POLD1: variants seen among roughly 807,000 people sequenced by gnomAD.
POLD1 encodes the protein DNA polymerase delta catalytic subunit.
A neutral mutation model predicts 129.7 loss-of-function variants in POLD1; 79 were observed. That is an observed-to-expected ratio of 0.61 (90% confidence interval 0.51 to 0.73). The LOEUF is 0.73. POLD1 is among the 30% of genes least tolerant of loss of function. The probability of loss-of-function intolerance (pLI) is 0.00; values close to 1 mark genes in which losing one functional copy is unlikely to be tolerated. For missense variants in POLD1, 1,338 were observed against 1,595.8 expected (o/e 0.84, Z 2.75); for synonymous variants, 714 against 683.3 (o/e 1.04, Z -0.70).
At position 50,416,196 on chromosome 19, in the gene POLD1, C is replaced by T. The variant is rs1295920580; in HGVS notation, c.2821-200C>T. ...TTGCTTCCCCTTGTGAACTCTGACC[C>T]TTCCGTGGTGACCTGAGAGCCCTAC... On this transcript the variant is annotated intron_variant, in intron 22 of 26. Transcript: ENST00000440232. 6 of 605,468 alleles carry T rather than the reference C, an allele frequency of 9.9e-6. No homozygotes were observed. The East Asian group carries it at 1.4e-4, about 14-fold the overall frequency. 37.5% of individuals were successfully genotyped at this position (605,468 alleles called of 1,614,324 possible).
chr19:50,415,681 C>CCCCCCACA, intron 21 of POLD1, 43 bp from the exon 22 acceptor site: 1 of 1,462,402 alleles, frequency 6.8e-7, no homozygotes, highest in Non-Finnish European at 9.3e-7. Context: ...CCACCCCCGC[C>CCCCCCACA]ACCCACCTGC....
At chr19:50,384,619 CA>C (rs1467896739) in intron 1 of POLD1, among the ~76,000 whole-genome samples, 2 of 149,428 alleles carry the variant, frequency 1.3e-5, no homozygotes, top group Non-Finnish European at 3.0e-5. Context: ...ATGCGCCGGG[CA>C]CCGTGGGGCG....
At position 50,402,377 on chromosome 19, in the gene POLD1, C is replaced by G. The variant is rs771346692; in HGVS notation, c.758+4C>G. The G allele has an allele frequency of 2.5e-6, 4 of 1,612,686 alleles. No individual in the cohort carries two copies. The highest frequency in any genetic ancestry group is 3.4e-6 in the Non-Finnish European group (4 of 1,179,010). On this transcript the variant is annotated splice_donor_region_variant and intron_variant, in intron 6 of 26. Coordinates refer to ENST00000440232, the MANE Select transcript of POLD1 (RefSeq NM_002691.4). ...CCAACGTCGACTTTGAGATCCGGTA[C>G]GGCCTCTGCCTCACTTCTCCGGCCT... is the stretch of plus-strand genomic sequence containing the variant.
intron 3 of POLD1, among the ~76,000 whole-genome samples, chr19:50,400,798 G>GC (rs904068724): frequency 4.0e-5 from 6 of 150,482 alleles, no homozygotes; most frequent in Admixed American, 1.3e-4. Flanking sequence ...CCAGGTTCAC[G>GC]CCATTCTCCT....
At chr19:50,405,241 G>C (rs1376466390) in intron 10 of POLD1, among the ~76,000 whole-genome samples, 2 of 152,158 alleles carry the variant, frequency 1.3e-5, no homozygotes, top group Non-Finnish European at 2.9e-5. Flanking sequence ...TGACACCGTC[G>C]TGAGGTGAGG....
chr19:50,400,159 T>TC (rs2038533234), intron 3 of POLD1, among the ~76,000 whole-genome samples: 1 of 139,786 alleles, frequency 7.2e-6, no homozygotes, highest in Non-Finnish European at 1.6e-5. Context: ...TTTTTTTTTT[T>TC]TTGAGACAAG....
At chr19:50,393,395 C>T (rs566728387) in intron 1 of POLD1, among the ~76,000 whole-genome samples, 1 of 152,234 alleles carries the variant, frequency 6.6e-6, no homozygotes, top group South Asian at 2.1e-4. Flanking sequence ...AATGGCTGGG[C>T]GTGGTGGTTC....
At chr19:50,405,048 A>T (rs2038824216) in intron 10 of POLD1, among the ~76,000 whole-genome samples, 1 of 151,810 alleles carries the variant, frequency 6.6e-6, no homozygotes. Context: ...TACAGGCGTG[A>T]GCCACCGCGC....
Position 50,409,360 on chromosome 19 carries a change from C to A in POLD1, c.2006+125C>A. ...GCCCTCAGCTGTGCGTGAATTAGCA[C>A]AAGGCATCCCCTCCTGGCAGCTTCC... On this transcript the variant is annotated intron_variant, in intron 16 of 26. Transcript: ENST00000440232. This position sits in a 1 kb window ranked among gnomAD's most constrained non-coding sequence, Gnocchi z 5.8. The A allele has an allele frequency of 1.6e-6, 2 of 1,245,820 alleles. No individual in the cohort carries two copies. Among genetic ancestry groups the A allele is most frequent in the South Asian group, 1.3e-5 (1 of 75,894 alleles). 77.2% of individuals were successfully genotyped at this position (1,245,820 alleles called of 1,614,324 possible). A position where few individuals can be genotyped will look rare whatever the true frequency, so the allele number is the denominator to read the frequency against.
intron 14 of POLD1, 140 bp from the exon 15 acceptor site, chr19:50,408,645 T>A (rs2038983491): frequency 2.3e-6 from 3 of 1,293,762 alleles, no homozygotes; most frequent in Non-Finnish European, 3.2e-6. Context: ...AGCCTCCCAA[T>A]GTGCTGGGAT....
rs2038895286 is a variant in POLD1 at position 50,406,602 on chromosome 19, C to A, written c.1494+85C>A. The A allele has an allele frequency of 2.1e-6, 2 of 953,500 alleles. No homozygotes were observed. Among genetic ancestry groups the A allele is most frequent in the South Asian group, 1.4e-5 (1 of 70,094 alleles). The allele number at this position is 953,500 out of a possible 1,614,324, so 59.1% of individuals were successfully genotyped here. The stretch of plus-strand genomic sequence containing the variant: ...GGCCTCTGACCTCAACTTCACGCCC[C>A]CACGTCTGACCTCACTCTTTGACCT... On this transcript the variant is annotated intron_variant, in intron 12 of 26. Coordinates refer to ENST00000440232, the MANE Select transcript of POLD1 (RefSeq NM_002691.4). This position sits in a 1 kb window ranked among gnomAD's most constrained non-coding sequence, Gnocchi z 5.5.
intron 3 of POLD1, 126 bp from the exon 4 acceptor site, chr19:50,401,652 A>C: frequency 3.9e-6 from 4 of 1,015,100 alleles, no homozygotes; most frequent in Non-Finnish European, 6.0e-6. Context: ...GCTGAAATGG[A>C]CACAGGGAAC....
In POLD1 at chr19:50,414,990, GGT is replaced by G. The variant is rs761975126; in HGVS notation, c.2564+6_2564+7del. On this transcript the variant is annotated splice_donor_variant, in intron 20 of 26. Transcript: ENST00000440232. LOFTEE classifies it high-confidence loss of function. ...TCACTGCGCCGCCTGCTCATCGACCGGTGTGTGGGGCCTCCTCCCTCAGACTC... is the reference window on the plus strand; with the variant it reads ...TCACTGCGCCGCCTGCTCATCGACCGGTGTGGGGCCTCCTCCCTCAGACTC... 1 of 1,566,228 alleles carries G rather than the reference GGT, an allele frequency of 6.4e-7. No homozygotes were observed. Among genetic ancestry groups the G allele is most frequent in the Non-Finnish European group, 8.7e-7 (1 of 1,155,148 alleles).
At position 50,402,447 on chromosome 19, in the gene POLD1, C is replaced by T; in HGVS notation, c.759-7C>T. 1 of 1,612,782 alleles carries T rather than the reference C, an allele frequency of 6.2e-7. No homozygotes were observed. The highest frequency in any genetic ancestry group is 8.5e-7 in the Non-Finnish European group (1 of 1,179,454). The stretch of plus-strand genomic sequence containing the variant: ...GCCCCTGTCCACTGACCCCCAGCCC[C>T]CTCCAGGTTCATGGTGGACACGGAC... On this transcript the variant is annotated splice_polypyrimidine_tract_variant and splice_region_variant and intron_variant, in intron 6 of 26. Coordinates refer to ENST00000440232, the MANE Select transcript of POLD1 (RefSeq NM_002691.4).
rs761230747 is a variant in POLD1, at chr19:50,401,776, A to G, written c.317-2A>G. On this transcript the variant is annotated splice_acceptor_variant, in intron 3 of 26. Transcript: ENST00000440232. LOFTEE classifies it high-confidence loss of function. Reference sequence around the variant, plus strand: ...CCGCTGTCTTACCCTGTGACCCCACAGGCCCAGCGCAGCCTGTGCCTGGGG... The same window carrying G: ...CCGCTGTCTTACCCTGTGACCCCACGGGCCCAGCGCAGCCTGTGCCTGGGG... 4.3e-6 allele frequency: 7 copies of G among 1,611,704 alleles called. No homozygotes were observed. The South Asian group carries it at 7.7e-5, about 18-fold the overall frequency.
rs752090630 is a variant in POLD1, at chr19:50,415,520, A to G, written c.2647A>G (p.Ile883Val). The change falls in exon 21 of 27, where the codon ATC becomes GTC. Residue 883 changes from isoleucine to valine, a missense_variant. Coordinates refer to ENST00000440232, the MANE Select transcript of POLD1 (RefSeq NM_002691.4). Reference sequence around the variant, plus strand: ...CCGCATCGATATCTCCCAGCTGGTCATCACCAAGGAGCTGACCCGCGCGGC... The same window carrying G: ...CCGCATCGATATCTCCCAGCTGGTCGTCACCAAGGAGCTGACCCGCGCGGC... ...CNRIDISQLV[I>V]TKELTRAASD... 2 of 1,613,448 alleles carry G rather than the reference A, an allele frequency of 1.2e-6. No individual in the cohort carries two copies. Among genetic ancestry groups the G allele is most frequent in the Admixed American group, 1.7e-5 (1 of 60,016 alleles).
At position 50,402,003 on chromosome 19, in the gene POLD1, CG is replaced by C. The variant is rs764964017; in HGVS notation, c.471del (p.Glu159SerfsTer10). On this transcript the variant is annotated frameshift_variant, in exon 5 of 27. Coordinates refer to ENST00000440232, the MANE Select transcript of POLD1 (RefSeq NM_002691.4). LOFTEE classifies it high-confidence loss of function. Reference sequence around the variant, plus strand: ...TGATCATCCCTCCCACACCAGGTTTCGGGCCCGAGCACATGGGTGACCTGCA... The same window carrying C: ...TGATCATCCCTCCCACACCAGGTTTCGGCCCGAGCACATGGGTGACCTGCA... ...YFYTPAPPGF[G>X]PEHMGDLQRE... The C allele has an allele frequency of 3.7e-6, 6 of 1,614,076 alleles. No individual in the cohort carries two copies. The highest frequency in any genetic ancestry group is 2.5e-6 in the Non-Finnish European group (3 of 1,179,988).
At chr19:50,394,231 C>T (rs3219334) in intron 1 of POLD1, among the ~76,000 whole-genome samples, 2,388 of 152,316 alleles carry the variant, frequency 0.016, 30 homozygotes, top group Non-Finnish European at 0.023. Flanking sequence ...TGATCACTCT[C>T]ATTCCTGGAG....
At chr19:50,403,625 T>C (rs1483049137) in intron 10 of POLD1, 28 bp downstream of exon 10, 1 of 1,451,936 alleles carries the variant, frequency 6.9e-7, no homozygotes, top group East Asian at 2.3e-5. Context: ...GGGAGGCTTC[T>C]CTCAGATGCC....
Sources: allele counts gnomAD v4.1 joint callset (sites outside exome capture counted in the v4.1 genomes callset), GRCh38; gene constraint gnomAD v4.1.1; non-coding constraint Gnocchi (gnomAD v3.1); transcripts MANE v1.5; gene names NCBI Gene and HGNC (gene_info 2026-07-23, HGNC 2026-07-21).